Variants in FAM50B observed in about 807,000 individuals in gnomAD.
FAM50B encodes the protein family with sequence similarity 50 member B, also known as protein FAM50B.
FAM50B carries 9 observed loss-of-function variants against 25.4 expected under a neutral mutation model. The ratio of observed to expected loss-of-function variants is 0.35; its 90% confidence interval spans 0.21 to 0.62. The LOEUF (loss-of-function observed/expected upper bound fraction) is 0.62. Among genes scored for constraint, FAM50B ranks in the 20% least tolerant of loss-of-function variants. FAM50B has a pLI of 0.73. For missense variants in FAM50B, 372 were observed against 477.9 expected (o/e 0.78, Z 2.07); for synonymous variants, 212 against 204.3 (o/e 1.04, Z -0.32).
At chr6:3,838,658 A>G in the FAM50B span, among the ~76,000 whole-genome samples, 1 of 152,138 alleles carries the variant, frequency 6.6e-6, no homozygotes, top group Non-Finnish European at 1.5e-5. Context: ...CCTGGTCAAT[A>G]TGGTGAAACC....
At chr6:3,835,381 C>G in the FAM50B span, among the ~76,000 whole-genome samples, 2 of 152,198 alleles carry the variant, frequency 1.3e-5, no homozygotes, top group East Asian at 1.9e-4. Flanking sequence ...CCACTATTGC[C>G]CAACCCAGGG....
Position 3,850,644 on chromosome 6 carries a change from G to A in FAM50B, c.833G>A (p.Ser278Asn). Residue 278 changes from serine to asparagine, a missense_variant, in exon 2 of 2, where the codon AGC becomes AAC. Physicochemically the swap from Ser to Asn is conservative, Grantham distance 46 (BLOSUM62 1). This residue lies in a region of FAM50B where 27 missense variants were observed against 61.6 expected (regional missense o/e 0.44). Transcript: ENST00000648326. ...GTGCACGATGACGTGCGCCTGCTCA[G>A]CGACGCCACCATGGAGAAGGACGAG... ...FDVHDDVRLLSDATMEKDESH... is the reference protein window; with the variant it reads ...FDVHDDVRLLNDATMEKDESH... 1.2e-6 allele frequency: 2 copies of A among 1,614,136 alleles called. No individual in the cohort carries two copies. The highest frequency in any genetic ancestry group is 8.5e-7 in the Non-Finnish European group (1 of 1,180,046).
chr6:3,836,445 T>G, the FAM50B span, among the ~76,000 whole-genome samples: 3 of 152,226 alleles, frequency 2.0e-5, no homozygotes, highest in Admixed American at 1.3e-4. Flanking sequence ...CATCTGCCCC[T>G]GGAATCTCAG....
At chr6:3,845,665 A>G (rs137897721), upstream of FAM50B, among the ~76,000 whole-genome samples, 872 of 152,250 alleles carry the variant, frequency 5.7e-3, 5 homozygotes, top group Non-Finnish European at 0.01. Flanking sequence ...GGGATAGCAC[A>G]GCGAAGGGCA....
At chr6:3,836,722 G>A in the FAM50B span, among the ~76,000 whole-genome samples, 1 of 152,160 alleles carries the variant, frequency 6.6e-6, no homozygotes, top group Non-Finnish European at 1.5e-5. Context: ...GGAAGCATTT[G>A]GGGAAGCCCC....
the FAM50B span, among the ~76,000 whole-genome samples, chr6:3,838,941 C>T: frequency 1.3e-5 from 2 of 150,656 alleles, no homozygotes; most frequent in African/African-American, 2.4e-5. Flanking sequence ...ATGCATTATA[C>T]TGGAGTGAAA....
the FAM50B span, among the ~76,000 whole-genome samples, chr6:3,836,063 T>G: frequency 3.1e-4 from 47 of 151,868 alleles, 1 homozygote; most frequent in Admixed American, 2.0e-3. Flanking sequence ...AATGTGATAT[T>G]TGTTCGTTCA....
chr6:3,838,018 G>A, the FAM50B span, among the ~76,000 whole-genome samples: 2 of 152,190 alleles, frequency 1.3e-5, no homozygotes, highest in Non-Finnish European at 2.9e-5. Flanking sequence ...AGAATGCAGA[G>A]GAACTGGAAC....
At chr6:3,846,801 G>C (rs1762129014), upstream of FAM50B, among the ~76,000 whole-genome samples, 1 of 152,168 alleles carries the variant, frequency 6.6e-6, no homozygotes, top group Admixed American at 6.5e-5. Context: ...CTTTGGAAAT[G>C]TATTTCTTAA....
At chr6:3,839,428 G>A in the FAM50B span, among the ~76,000 whole-genome samples, 2 of 152,186 alleles carry the variant, frequency 1.3e-5, no homozygotes, top group South Asian at 4.2e-4. Flanking sequence ...AGGTTTGGAG[G>A]GTCAAATATC....
the FAM50B span, among the ~76,000 whole-genome samples, chr6:3,835,137 G>A: frequency 4.1e-4 from 63 of 152,338 alleles, 3 homozygotes; most frequent in East Asian, 0.011. Context: ...GCAGGTGACA[G>A]TCCTGTTGTG....
chr6:3,842,363 A>G, the FAM50B span, among the ~76,000 whole-genome samples: 28 of 152,218 alleles, frequency 1.8e-4, no homozygotes, highest in Admixed American at 1.8e-3. Context: ...GTCATACTGT[A>G]ATGCTTTCTA....
At chr6:3,845,833 G>A (rs1762114229), upstream of FAM50B, among the ~76,000 whole-genome samples, 1 of 152,134 alleles carries the variant, frequency 6.6e-6, no homozygotes, top group African/African-American at 2.4e-5. Context: ...TTCTGCCTCA[G>A]CCTCCCGAGC....
At chr6:3,836,429 A>G in the FAM50B span, among the ~76,000 whole-genome samples, 48 of 152,362 alleles carry the variant, frequency 3.2e-4, 3 homozygotes, top group South Asian at 9.9e-3. Context: ...TTCACCTTTT[A>G]CATTTCATCT....
At chr6:3,845,777 C>T (rs558887937), upstream of FAM50B, among the ~76,000 whole-genome samples, 87 of 152,184 alleles carry the variant, frequency 5.7e-4, no homozygotes, top group Admixed American at 9.8e-4. Context: ...TGCAGTGGTG[C>T]GATCTTGGCT....
the FAM50B span, among the ~76,000 whole-genome samples, chr6:3,842,523 CT>C: frequency 6.6e-6 from 1 of 152,210 alleles, no homozygotes; most frequent in African/African-American, 2.4e-5. Context: ...GCATGAGCTC[CT>C]AGCCACTCCC....
upstream of FAM50B, among the ~76,000 whole-genome samples, chr6:3,847,680 C>A (rs1222689665): frequency 6.6e-6 from 1 of 152,142 alleles, no homozygotes; most frequent in Non-Finnish European, 1.5e-5. Context: ...GATTTTTTTC[C>A]TTTGCATTCA....
the FAM50B span, among the ~76,000 whole-genome samples, chr6:3,834,301 C>T: frequency 7.1e-6 from 1 of 141,840 alleles, no homozygotes; most frequent in Non-Finnish European, 1.5e-5. Flanking sequence ...CAAAGACTGT[C>T]AGCTTTGGCT....
At chr6:3,845,885 TTTTTTA>T (rs1040250265), upstream of FAM50B, among the ~76,000 whole-genome samples, 2 of 152,042 alleles carry the variant, frequency 1.3e-5, no homozygotes, top group Non-Finnish European at 1.5e-5. Context: ...CCAGCTAATT[TTTTTTA>T]TTTTTATTTT....
Sources: gnomAD v4.1 joint callset for allele counts (sites outside exome capture counted in the v4.1 genomes callset) on GRCh38, gnomAD v4.1.1 for gene constraint, gnomAD v4.1.1 regional missense constraint, MANE v1.5 for transcripts, NCBI Gene and HGNC (gene_info 2026-07-23, HGNC 2026-07-21) for gene names.